NCOA2: variants seen among roughly 807,000 people sequenced by gnomAD.
NCOA2 encodes the protein nuclear receptor coactivator 2.
A neutral mutation model predicts 145.1 loss-of-function variants in NCOA2; 21 were observed. The observed-to-expected ratio is 0.14, with a 90% CI of 0.10 to 0.21. NCOA2 has a LOEUF of 0.21. NCOA2 is among the 10% of genes least tolerant of loss of function. NCOA2 has a pLI of 1.00. For synonymous variants in NCOA2, 619 were observed against 637.5 expected (o/e 0.97, Z 0.44); for missense variants, 1,472 against 1,837.6 (o/e 0.80, Z 3.64).
chr8:70,227,531 G>A (rs1820756396), intron 2 of NCOA2, among the ~76,000 whole-genome samples: 1 of 152,126 alleles, frequency 6.6e-6, no homozygotes. Flanking sequence ...GAAAAATCTA[G>A]TTTGGGGGGA....
In NCOA2 at chr8:70,282,652, T is replaced by C. The variant is rs371948494; in HGVS notation, c.-20+14092A>G. On this transcript the variant is annotated intron_variant, in intron 2 of 22. Transcript: ENST00000452400. ...GCAGTGAGCTGAGATCGTGCCATTG[T>C]ACTCCAGCCTGGGCAAAAAGAGCAA... Among the ~76,000 whole-genome samples, 19 of 149,344 alleles carry C rather than the reference T, an allele frequency of 1.3e-4. No homozygotes were observed. The East Asian group carries it at 2.2e-3, about 17-fold the overall frequency.
At chr8:70,435,295 G>C in the NCOA2 span, among the ~76,000 whole-genome samples, 1 of 149,676 alleles carries the variant, frequency 6.7e-6, no homozygotes, top group Non-Finnish European at 1.5e-5. Flanking sequence ...CGTGGTGGTG[G>C]GCGCCTGTAA....
At chr8:70,335,300 C>T (rs1411605093) in intron 1 of NCOA2, among the ~76,000 whole-genome samples, 1 of 152,058 alleles carries the variant, frequency 6.6e-6, no homozygotes, top group Non-Finnish European at 1.5e-5. Context: ...GATACAAACA[C>T]ATTCACACAG....
chr8:70,262,228 T>C (rs1563694576), intron 2 of NCOA2, among the ~76,000 whole-genome samples: 2 of 152,200 alleles, frequency 1.3e-5, no homozygotes, highest in African/African-American at 2.4e-5. Context: ...CAGATATTTA[T>C]AGTATCCCCC....
chr8:70,136,899 G>C (rs1454500478), intron 15 of NCOA2, among the ~76,000 whole-genome samples: 1 of 152,212 alleles, frequency 6.6e-6, no homozygotes, highest in Non-Finnish European at 1.5e-5. Flanking sequence ...AAATGTGAGA[G>C]TGGCTAGAAA....
intron 2 of NCOA2, among the ~76,000 whole-genome samples, chr8:70,235,184 C>A (rs1264506858): frequency 6.6e-6 from 1 of 152,042 alleles, no homozygotes; most frequent in East Asian, 1.9e-4. Flanking sequence ...CATGGATGAA[C>A]CTTGAGAATA....
chr8:70,257,796 G>GT (rs1349252724), intron 2 of NCOA2, among the ~76,000 whole-genome samples: 18 of 151,584 alleles, frequency 1.2e-4, no homozygotes, highest in Non-Finnish European at 5.9e-5. Flanking sequence ...GACACTGGCA[G>GT]TATCTTGCTT....
intron 4 of NCOA2, among the ~76,000 whole-genome samples, chr8:70,187,560 CTG>C (rs1393585002): frequency 3.3e-5 from 5 of 152,290 alleles, no homozygotes; most frequent in African/African-American, 1.2e-4. Flanking sequence ...GATATACAGA[CTG>C]TGAGCACCAT....
At chr8:70,373,338 T>C (rs561387652) in intron 1 of NCOA2, among the ~76,000 whole-genome samples, 6 of 152,336 alleles carry the variant, frequency 3.9e-5, no homozygotes, top group African/African-American at 1.4e-4. Context: ...GTTTATGGTG[T>C]TGAATATCTT....
chr8:70,268,929 C>T lies in NCOA2; in HGVS notation c.-20+27815G>A, dbSNP rs187668230. ...TAAACACAACTTTCCCAGTTGTCTC[C>T]GCAGCTAGTCTGTAAAGATAAATAT... On this transcript the variant is annotated intron_variant, in intron 2 of 22. Coordinates refer to ENST00000452400, the MANE Select transcript of NCOA2 (RefSeq NM_006540.4). Among the ~76,000 whole-genome samples, 509 of 152,148 alleles carry T rather than the reference C, an allele frequency of 3.3e-3. 11 individuals carry two copies. Among genetic ancestry groups the T allele is most frequent in the African/African-American group, 7.2e-4 (30 of 41,494 alleles).
upstream of NCOA2, among the ~76,000 whole-genome samples, chr8:70,404,494 G>T (rs1814676014): frequency 6.6e-6 from 1 of 152,118 alleles, no homozygotes; most frequent in Non-Finnish European, 1.5e-5. Flanking sequence ...CGGTCCTGCC[G>T]CTGCTCCCCG....
At chr8:70,334,787 G>A (rs1807418733) in intron 1 of NCOA2, among the ~76,000 whole-genome samples, 1 of 152,062 alleles carries the variant, frequency 6.6e-6, no homozygotes, top group Non-Finnish European at 1.5e-5. Flanking sequence ...AAAAAATGGA[G>A]ACTGATACCA....
intron 2 of NCOA2, among the ~76,000 whole-genome samples, chr8:70,245,968 G>A (rs2134587058): frequency 6.6e-6 from 1 of 152,178 alleles, no homozygotes; most frequent in East Asian, 1.9e-4. Flanking sequence ...TCAAAATGTA[G>A]TCTTGTTAAG....
intron 2 of NCOA2, among the ~76,000 whole-genome samples, chr8:70,291,820 G>A (rs2135668431): frequency 6.6e-6 from 1 of 152,222 alleles, no homozygotes; most frequent in South Asian, 2.1e-4. Flanking sequence ...AGTTGGCCGG[G>A]CGGGCGCAGT....
chr8:70,382,265 G>A (rs868574185), intron 1 of NCOA2, among the ~76,000 whole-genome samples: 2 of 151,980 alleles, frequency 1.3e-5, no homozygotes, highest in Non-Finnish European at 2.9e-5. Context: ...TCAGTGCCCC[G>A]AGGCCAGGAG....
At chr8:70,356,783 C>T in intron 1 of NCOA2, among the ~76,000 whole-genome samples, 1 of 152,128 alleles carries the variant, frequency 6.6e-6, no homozygotes. Context: ...TACCATAATG[C>T]TTTTACCTCA....
At chr8:70,455,213 G>A in the NCOA2 span, among the ~76,000 whole-genome samples, 3 of 152,216 alleles carry the variant, frequency 2.0e-5, no homozygotes, top group Non-Finnish European at 4.4e-5. Context: ...AGCTAAGCAC[G>A]TGTTTGCTAC....
chr8:70,265,239 CTCTT>C (rs1824470833), intron 2 of NCOA2, among the ~76,000 whole-genome samples: 1 of 152,178 alleles, frequency 6.6e-6, no homozygotes, highest in Non-Finnish European at 1.5e-5. Flanking sequence ...TTCCCCTTCT[CTCTT>C]TCTTTCTCTC....
At chr8:70,242,635 A>G (rs1254693633) in intron 2 of NCOA2, among the ~76,000 whole-genome samples, 1 of 152,146 alleles carries the variant, frequency 6.6e-6, no homozygotes, top group East Asian at 1.9e-4. Context: ...GCTGTTACAC[A>G]GGCTTTTCCA....
Sources: allele counts gnomAD v4.1 joint callset (sites outside exome capture counted in the v4.1 genomes callset), GRCh38; gene constraint gnomAD v4.1.1; transcripts MANE v1.5; gene names NCBI Gene and HGNC (gene_info 2026-07-23, HGNC 2026-07-21).